Variants in NME7 observed in about 807,000 individuals in gnomAD.
NME7 encodes NME/NM23 family member 7.
In NME7, 41 loss-of-function variants were observed where a neutral mutation model predicts 49.1. That is an observed-to-expected ratio of 0.83 (90% CI 0.65 to 1.08). NME7 has a LOEUF of 1.08. Among genes scored for constraint, NME7 ranks in the 50% least tolerant of loss-of-function variants. The pLI is 0.00. For synonymous variants in NME7, 139 were observed against 150.6 expected, an observed-to-expected ratio of 0.92 and a Z score of 0.56; for missense variants, 423 against 463.4, an observed-to-expected ratio of 0.91 and a Z score of 0.80.
At chr1:169,363,783 T>A (rs1289971449) in intron 1 of NME7, among the ~76,000 whole-genome samples, 2 of 152,196 alleles carry the variant, frequency 1.3e-5, no homozygotes, top group African/African-American at 4.8e-5. Context: ...CAGGTCTCAA[T>A]ATAAAAGTTC....
intron 3 of NME7, among the ~76,000 whole-genome samples, chr1:169,321,948 A>G (rs369453252): frequency 6.6e-6 from 1 of 151,942 alleles, no homozygotes; most frequent in East Asian, 1.9e-4. Context: ...GGAAAAAAAA[A>G]CTCCCCAAAC....
chr1:169,320,023 G>C (rs1445804013), intron 3 of NME7, among the ~76,000 whole-genome samples: 1 of 152,126 alleles, frequency 6.6e-6, no homozygotes, highest in Non-Finnish European at 1.5e-5. Context: ...GGGAATAGCT[G>C]TCTATTCATA....
chr1:169,355,145 A>G lies in NME7; in HGVS notation c.3+12563T>C, dbSNP rs186849673. 6.5e-4 allele frequency among the ~76,000 whole-genome samples: 25 copies of G among 38,666 alleles called. 5 individuals carry two copies. Among genetic ancestry groups the G allele is most frequent in the East Asian group, 9.8e-3 (2 of 204 alleles). 25.4% of individuals were successfully genotyped at this position (38,666 alleles called of 152,430 possible). A position where few individuals can be genotyped will look rare whatever the true frequency, so the allele number is the denominator to read the frequency against. On this transcript the variant is annotated intron_variant, in intron 1 of 11. Coordinates refer to ENST00000367811, the MANE Select transcript of NME7 (RefSeq NM_013330.5). Reference sequence around the variant, plus strand: ...CTATATATTATAGATATAATATATAATATACTATATATTATAGATATAATA... The same window carrying G: ...CTATATATTATAGATATAATATATAGTATACTATATATTATAGATATAATA...
chr1:169,312,044 ATC>A (rs1238066716), intron 3 of NME7, among the ~76,000 whole-genome samples: 2 of 152,244 alleles, frequency 1.3e-5, no homozygotes, highest in Non-Finnish European at 2.9e-5. Context: ...TATCAGTAGT[ATC>A]TCTGTTATCT....
intron 5 of NME7, among the ~76,000 whole-genome samples, chr1:169,301,774 T>G (rs1650950928): frequency 6.6e-6 from 1 of 152,136 alleles, no homozygotes; most frequent in Non-Finnish European, 1.5e-5. Context: ...GGCAATAATA[T>G]GGACACAATT....
At chr1:169,154,722 C>T (rs769768925) in intron 11 of NME7, among the ~76,000 whole-genome samples, 2 of 151,306 alleles carry the variant, frequency 1.3e-5, no homozygotes, top group Middle Eastern at 3.2e-3. Context: ...CGCTTGAACC[C>T]GGGAAGTGGA....
intron 11 of NME7, among the ~76,000 whole-genome samples, chr1:169,161,634 T>G (rs374567424): frequency 6.6e-6 from 1 of 152,364 alleles, no homozygotes; most frequent in East Asian, 1.9e-4. Flanking sequence ...TCCATCTTGC[T>G]TCTGGCCTCA....
chr1:169,257,321 G>A (rs7548520), intron 7 of NME7, among the ~76,000 whole-genome samples: 4,282 of 134,298 alleles, frequency 0.032, 632 homozygotes, highest in African/African-American at 0.099. Context: ...GGAGTGACCC[G>A]ATTTTCCAGG....
chr1:169,287,488 T>G, intron 6 of NME7, 80 bp from the exon 7 acceptor site: 1 of 991,740 alleles, frequency 1.0e-6, no homozygotes, highest in Non-Finnish European at 1.5e-6. Context: ...GGGAGGAGAA[T>G]CATGCAATTA....
intron 6 of NME7, 41 bp downstream of exon 6, chr1:169,298,514 AC>A (rs770339130): frequency 1.8e-5 from 28 of 1,577,508 alleles, no homozygotes; most frequent in Non-Finnish European, 2.3e-5. Context: ...AAAACATTTA[AC>A]AGAACTAGAA....
intron 7 of NME7, among the ~76,000 whole-genome samples, chr1:169,278,885 T>C (rs1330038139): frequency 3.3e-5 from 5 of 152,188 alleles, no homozygotes; most frequent in Non-Finnish European, 7.3e-5. Flanking sequence ...TTTCTGTTTG[T>C]TAGTTTTCCT....
At chr1:169,337,720 C>T (rs1652536548) in intron 1 of NME7, among the ~76,000 whole-genome samples, 1 of 152,200 alleles carries the variant, frequency 6.6e-6, no homozygotes, top group Non-Finnish European at 1.5e-5. Context: ...ACTTAGATGT[C>T]ACAGTGATAA....
At chr1:169,229,899 T>C (rs1470480525) in intron 10 of NME7, among the ~76,000 whole-genome samples, 1 of 151,068 alleles carries the variant, frequency 6.6e-6, no homozygotes, top group Non-Finnish European at 1.5e-5. Context: ...GAGGTGGAGG[T>C]TGCAGTGAGC....
intron 11 of NME7, among the ~76,000 whole-genome samples, chr1:169,147,371 A>G (rs1238359373): frequency 6.6e-6 from 1 of 152,230 alleles, no homozygotes; most frequent in East Asian, 1.9e-4. Context: ...ATTTAAGATC[A>G]CACAGAAAGG....
intron 11 of NME7, among the ~76,000 whole-genome samples, chr1:169,165,229 AG>A (rs1248442332): frequency 6.6e-6 from 1 of 152,202 alleles, no homozygotes; most frequent in Non-Finnish European, 1.5e-5. Context: ...CTAGGAGAAC[AG>A]TAGAAATGAA....
chr1:169,337,329 TC>T (rs1652522321), intron 1 of NME7, among the ~76,000 whole-genome samples: 1 of 152,036 alleles, frequency 6.6e-6, no homozygotes, highest in Admixed American at 6.5e-5. Context: ...GGGTGCTAAG[TC>T]CCTCATTGCC....
At chr1:169,206,649 C>T (rs1173381814) in intron 10 of NME7, among the ~76,000 whole-genome samples, 3 of 151,994 alleles carry the variant, frequency 2.0e-5, no homozygotes, top group Non-Finnish European at 4.4e-5. Flanking sequence ...GCATAAAATA[C>T]ATAGAATTGC....
chr1:169,194,789 G>A (rs958835151), intron 10 of NME7, among the ~76,000 whole-genome samples: 1 of 152,168 alleles, frequency 6.6e-6, no homozygotes, highest in Non-Finnish European at 1.5e-5. Flanking sequence ...AATTCAAAAT[G>A]TTAGGGGCAG....
chr1:169,225,977 G>A (rs974721227), intron 10 of NME7, among the ~76,000 whole-genome samples: 5 of 152,018 alleles, frequency 3.3e-5, no homozygotes, highest in African/African-American at 9.7e-5. Flanking sequence ...GACCCATTTC[G>A]ATAGAAAAAA....
Sources: gnomAD v4.1 joint callset for allele counts (sites outside exome capture counted in the v4.1 genomes callset) on GRCh38, gnomAD v4.1.1 for gene constraint, MANE v1.5 for transcripts, NCBI Gene and HGNC (gene_info 2026-07-23, HGNC 2026-07-21) for gene names.